ANKRD17: variants seen among roughly 807,000 people sequenced by gnomAD.
ANKRD17 encodes the protein ankyrin repeat domain 17.
In ANKRD17, 19 loss-of-function variants were observed where a neutral mutation model predicts 229.7. That is an observed-to-expected ratio of 0.08 (90% CI 0.06 to 0.12). ANKRD17 has a LOEUF of 0.12. ANKRD17 is among the 10% of genes least tolerant of loss of function. ANKRD17 has a pLI of 1.00. For synonymous variants in ANKRD17, 1,112 were observed against 1,146.1 expected, an observed-to-expected ratio of 0.97 and a Z score of 0.60; for missense variants, 2,176 against 3,176.8, an observed-to-expected ratio of 0.68 and a Z score of 7.57.
chr4:73,224,644 T>C (rs1381501000), intron 1 of ANKRD17, among the ~76,000 whole-genome samples: 21 of 152,228 alleles, frequency 1.4e-4, no homozygotes. Flanking sequence ...TTTTGCTTAC[T>C]ATATGCCATT....
chr4:73,179,518 A>ATAT (rs1192164276), intron 1 of ANKRD17, among the ~76,000 whole-genome samples: 12 of 40,784 alleles, frequency 2.9e-4, no homozygotes, highest in African/African-American at 3.7e-4. Flanking sequence ...ATATATATAT[A>ATAT]TTTTTTTTTT....
Position 73,208,465 on chromosome 4 carries a change from C to A in ANKRD17, c.394-30932G>T, listed in dbSNP as rs112948672. On this transcript the variant is annotated intron_variant, in intron 1 of 33. Coordinates refer to ENST00000358602, the MANE Select transcript of ANKRD17 (RefSeq NM_032217.5). ...AATGAAATAACCAACTTTTAAATAA[C>A]CCACATAGCCTTTCCCCAAAAGGGT... Among the ~76,000 whole-genome samples, 974 of 152,230 alleles carry A rather than the reference C, an allele frequency of 6.4e-3. 9 individuals carry two copies. Among genetic ancestry groups the A allele is most frequent in the African/African-American group, 0.022 (923 of 41,540 alleles).
intron 1 of ANKRD17, among the ~76,000 whole-genome samples, chr4:73,257,157 T>C (rs1451241770): frequency 6.6e-6 from 1 of 152,190 alleles, no homozygotes; most frequent in African/African-American, 2.4e-5. Context: ...AAAGCTGTTT[T>C]CCCTCTGCTG....
intron 1 of ANKRD17, among the ~76,000 whole-genome samples, chr4:73,211,820 C>T (rs891326098): frequency 7.0e-6 from 1 of 143,446 alleles, no homozygotes; most frequent in Non-Finnish European, 1.5e-5. Flanking sequence ...GTACTCCAAC[C>T]TAGGCAACAA....
chr4:73,081,463 G>A (rs1721555436), intron 30 of ANKRD17, among the ~76,000 whole-genome samples: 1 of 151,914 alleles, frequency 6.6e-6, no homozygotes, highest in Admixed American at 6.6e-5. Flanking sequence ...GTCCCTGGAT[G>A]GGCCTATATT....
intron 16 of ANKRD17, among the ~76,000 whole-genome samples, chr4:73,125,906 T>C (rs1002076624): frequency 2.0e-5 from 3 of 152,124 alleles, no homozygotes; most frequent in South Asian, 2.1e-4. Flanking sequence ...CAGCCATTAA[T>C]GGAGAAACAT....
chr4:73,221,416 A>G (rs962405648), intron 1 of ANKRD17, among the ~76,000 whole-genome samples: 5 of 152,178 alleles, frequency 3.3e-5, no homozygotes, highest in African/African-American at 1.2e-4. Flanking sequence ...CAGAACATAA[A>G]TAAGACTTCT....
chr4:73,094,796 A>C (rs992545013), intron 27 of ANKRD17, among the ~76,000 whole-genome samples: 1 of 151,948 alleles, frequency 6.6e-6, no homozygotes, highest in Non-Finnish European at 1.5e-5. Flanking sequence ...AGAGTCAAGA[A>C]AGACTTCTTG....
chr4:73,164,371 G>T (rs1477793779), intron 2 of ANKRD17, among the ~76,000 whole-genome samples: 1 of 152,182 alleles, frequency 6.6e-6, no homozygotes, highest in Non-Finnish European at 1.5e-5. Context: ...TAACTAGGAA[G>T]AAACCAAAGA....
intron 1 of ANKRD17, among the ~76,000 whole-genome samples, chr4:73,206,422 A>AAGAG (rs1480843501): frequency 6.9e-6 from 1 of 144,688 alleles, no homozygotes; most frequent in African/African-American, 2.7e-5. Context: ...GAGAGAAAGA[A>AAGAG]AGTGAGAGAG....
chr4:73,099,170 T>A (rs1723651088), intron 25 of ANKRD17: 1 of 668,312 alleles, frequency 1.5e-6, no homozygotes, highest in Non-Finnish European at 2.8e-6. Context: ...TGTGCCTCAC[T>A]GAAGGAGCAG....
chr4:73,257,668 G>A (rs1392923500), intron 1 of ANKRD17, among the ~76,000 whole-genome samples: 2 of 152,280 alleles, frequency 1.3e-5, no homozygotes, highest in Non-Finnish European at 2.9e-5. Context: ...ATCCCTGGGA[G>A]ATCGAGGAAA....
chr4:73,185,668 T>C (rs1335044931), intron 1 of ANKRD17, among the ~76,000 whole-genome samples: 48 of 152,044 alleles, frequency 3.2e-4, no homozygotes, highest in Non-Finnish European at 4.4e-5. Context: ...CATAAATCCA[T>C]AACTAACACC....
chr4:73,184,907 C>G (rs1186785711), intron 1 of ANKRD17, among the ~76,000 whole-genome samples: 1 of 152,062 alleles, frequency 6.6e-6, no homozygotes, highest in Non-Finnish European at 1.5e-5. Flanking sequence ...TATTAAGTTA[C>G]TGAAGGATTT....
chr4:73,160,210 CTTTTTTT>C (rs144486458), intron 3 of ANKRD17, among the ~76,000 whole-genome samples: 11 of 61,586 alleles, frequency 1.8e-4, no homozygotes, highest in African/African-American at 5.4e-4. Context: ...TTTCTTATCA[CTTTTTTT>C]TTTTTTTTTT....
At chr4:73,195,604 G>A (rs2149084249) in intron 1 of ANKRD17, among the ~76,000 whole-genome samples, 1 of 151,998 alleles carries the variant, frequency 6.6e-6, no homozygotes, top group African/African-American at 2.4e-5. Flanking sequence ...TGCCTCCCGG[G>A]TTCAAGCTAT....
chr4:73,100,966 A>G, intron 25 of ANKRD17: 1 of 985,320 alleles, frequency 1.0e-6, no homozygotes, highest in Non-Finnish European at 1.2e-6. Context: ...AAAGTATTCA[A>G]AAAACAAAAC....
At chr4:73,189,299 T>A (rs967903222) in intron 1 of ANKRD17, among the ~76,000 whole-genome samples, 1 of 151,134 alleles carries the variant, frequency 6.6e-6, no homozygotes, top group African/African-American at 2.4e-5. Flanking sequence ...TAGAGAACAC[T>A]AAGAAATATA....
At chr4:73,122,383 C>T (rs1303123183) in intron 18 of ANKRD17, among the ~76,000 whole-genome samples, 5 of 152,132 alleles carry the variant, frequency 3.3e-5, no homozygotes, top group Admixed American at 2.6e-4. Context: ...GTCTTGGCAA[C>T]ATCTGTTATT....
Sources: allele counts gnomAD v4.1 joint callset (sites outside exome capture counted in the v4.1 genomes callset), GRCh38; gene constraint gnomAD v4.1.1; transcripts MANE v1.5; gene names NCBI Gene and HGNC (gene_info 2026-07-23, HGNC 2026-07-21).